Variants in GLIS3 observed in about 807,000 individuals in gnomAD.
GLIS3 encodes the protein zinc finger protein GLIS3.
In GLIS3, 53 loss-of-function variants were observed where a neutral mutation model predicts 78.6. The ratio of observed to expected loss-of-function variants is 0.67; its 90% CI spans 0.54 to 0.85. The LOEUF is 0.85. Ranked by LOEUF, GLIS3 falls within the 40% of genes least tolerant of loss-of-function variation. GLIS3 has a pLI of 0.00. For missense variants in GLIS3, 1,703 were observed against 1,231.1 expected, an observed-to-expected ratio of 1.38 and a Z score of -5.74; for synonymous variants, 684 against 509.9, an observed-to-expected ratio of 1.34 and a Z score of -4.60.
chr9:4,065,831 G>T (rs1827049214), intron 4 of GLIS3, among the ~76,000 whole-genome samples: 2 of 152,056 alleles, frequency 1.3e-5, no homozygotes, highest in South Asian at 4.1e-4. Context: ...GCCCTGAGAT[G>T]ATATCACACA....
At chr9:4,415,533 C>T in the GLIS3 span, among the ~76,000 whole-genome samples, 1 of 152,144 alleles carries the variant, frequency 6.6e-6, no homozygotes, top group Non-Finnish European at 1.5e-5. Flanking sequence ...TGAACATCAC[C>T]ATCAGCTGGT....
intron 4 of GLIS3, among the ~76,000 whole-genome samples, chr9:4,038,236 T>C (rs1563974421): frequency 6.6e-6 from 1 of 152,154 alleles, no homozygotes; most frequent in South Asian, 2.1e-4. Context: ...TTCGACATCC[T>C]AAAAATATTA....
intron 8 of GLIS3, among the ~76,000 whole-genome samples, chr9:3,857,989 C>G (rs1233020651): frequency 1.3e-5 from 2 of 152,152 alleles, no homozygotes; most frequent in Admixed American, 6.5e-5. Context: ...CACCTAATCC[C>G]AAATCCCCTG....
chr9:3,851,498 T>C (rs1819429737), intron 9 of GLIS3, among the ~76,000 whole-genome samples: 1 of 152,126 alleles, frequency 6.6e-6, no homozygotes. Flanking sequence ...GGATGCAGAG[T>C]CAACAAACCT....
intron 2 of GLIS3, among the ~76,000 whole-genome samples, chr9:4,277,772 G>T (rs1376094303): frequency 1.3e-5 from 2 of 152,194 alleles, no homozygotes; most frequent in African/African-American, 2.4e-5. Context: ...AAATAGTTGT[G>T]TCAAATGTAC....
chr9:4,368,307 G>C, the GLIS3 span, among the ~76,000 whole-genome samples: 11 of 151,120 alleles, frequency 7.3e-5, no homozygotes, highest in Non-Finnish European at 1.6e-4. Flanking sequence ...AGAAATGAAA[G>C]AGCACTGGGT....
intron 2 of GLIS3, among the ~76,000 whole-genome samples, chr9:4,201,139 T>C (rs1000988600): frequency 1.3e-5 from 2 of 152,178 alleles, no homozygotes; most frequent in Non-Finnish European, 2.9e-5. Context: ...AAACATGCCT[T>C]CATGATAAAA....
At chr9:4,209,814 CG>C (rs1361698910) in intron 2 of GLIS3, among the ~76,000 whole-genome samples, 1 of 19,636 alleles carries the variant, frequency 5.1e-5, no homozygotes, top group Non-Finnish European at 1.1e-4. Context: ...GTAGCATTCC[CG>C]CCCCCCCCCA....
At chr9:4,229,166 T>C (rs2208559) in intron 2 of GLIS3, among the ~76,000 whole-genome samples, 150,225 of 152,332 alleles carry the variant, frequency 0.99, 74,109 homozygotes, top group East Asian at 1. Flanking sequence ...GAAGGATACA[T>C]GAGGGAACAG....
chr9:4,144,502 G>T (rs536824474), intron 2 of GLIS3, among the ~76,000 whole-genome samples: 1 of 152,310 alleles, frequency 6.6e-6, no homozygotes, highest in South Asian at 2.1e-4. Flanking sequence ...TAATTAGATG[G>T]TTGTTTATAC....
chr9:3,920,045 C>T (rs1421836759), intron 6 of GLIS3, among the ~76,000 whole-genome samples: 1 of 149,662 alleles, frequency 6.7e-6, no homozygotes, highest in Non-Finnish European at 1.5e-5. Flanking sequence ...ACTCTGTTGC[C>T]CAGGCTGGAG....
At chr9:3,885,308 G>C (rs1258487692) in intron 7 of GLIS3, among the ~76,000 whole-genome samples, 1 of 152,200 alleles carries the variant, frequency 6.6e-6, no homozygotes, top group Admixed American at 6.5e-5. Flanking sequence ...AAGGCCACCA[G>C]TTGTCAATAA....
intron 2 of GLIS3, among the ~76,000 whole-genome samples, chr9:4,283,134 G>T (rs548506403): frequency 6.6e-6 from 1 of 151,530 alleles, no homozygotes; most frequent in Non-Finnish European, 1.5e-5. Context: ...AATGCACTTT[G>T]CAGGATTGCA....
chr9:4,094,891 A>T (rs576099420), intron 4 of GLIS3, among the ~76,000 whole-genome samples: 2 of 149,442 alleles, frequency 1.3e-5, no homozygotes, highest in East Asian at 3.9e-4. Context: ...TTAATTGCTT[A>T]ATTTTATTTT....
intron 2 of GLIS3, among the ~76,000 whole-genome samples, chr9:4,283,971 C>T (rs986169926): frequency 6.6e-6 from 1 of 152,190 alleles, no homozygotes; most frequent in Non-Finnish European, 1.5e-5. Flanking sequence ...AACAAAAAGC[C>T]ACAGGGAAGA....
intron 2 of GLIS3, among the ~76,000 whole-genome samples, chr9:4,133,825 TACACACACACACACACACAC>T (rs138728219): frequency 0.019 from 2,356 of 121,774 alleles, 39 homozygotes; most frequent in African/African-American, 0.053. Context: ...CAAGACCTTC[TACACACACACACACACACAC>T]ACACACACAC....
the GLIS3 span, among the ~76,000 whole-genome samples, chr9:4,365,659 T>C: frequency 1.3e-5 from 2 of 152,198 alleles, no homozygotes; most frequent in African/African-American, 4.8e-5. Context: ...TGGACAAAAG[T>C]TGAGACTCAG....
At chr9:4,013,035 A>G (rs941154247) in intron 4 of GLIS3, among the ~76,000 whole-genome samples, 18 of 151,676 alleles carry the variant, frequency 1.2e-4, no homozygotes, top group Non-Finnish European at 1.6e-4. Context: ...AGCCTCCCAA[A>G]GTGCTGGGAT....
chr9:4,370,775 T>C, the GLIS3 span, among the ~76,000 whole-genome samples: 1 of 151,868 alleles, frequency 6.6e-6, no homozygotes, highest in African/African-American at 2.4e-5. Flanking sequence ...AAGTATGAAG[T>C]TCACCCATTC....
Sources: gnomAD v4.1 joint callset for allele counts (sites outside exome capture counted in the v4.1 genomes callset) on GRCh38, gnomAD v4.1.1 for gene constraint, MANE v1.5 for transcripts, NCBI Gene and HGNC (gene_info 2026-07-23, HGNC 2026-07-21) for gene names.